Variants in PTPRD observed in about 807,000 individuals in gnomAD.
PTPRD encodes protein tyrosine phosphatase receptor type D.
In PTPRD, 34 loss-of-function variants were observed where a neutral mutation model predicts 214.5. The observed-to-expected ratio is 0.16, with a 90% CI of 0.12 to 0.21. The LOEUF is 0.21. Ranked by LOEUF, PTPRD falls within the 10% of genes least tolerant of loss-of-function variation. The pLI, the probability that PTPRD is intolerant of heterozygous loss-of-function variation, is 1.00. For synonymous variants in PTPRD, 1,128 were observed against 845.7 expected (o/e 1.33, Z -5.79); for missense variants, 2,545 against 2,398.7 (o/e 1.06, Z -1.27).
intron 10 of PTPRD, among the ~76,000 whole-genome samples, chr9:9,038,553 G>GT (rs35388432): frequency 0.13 from 16,901 of 128,426 alleles, 1,504 homozygotes; most frequent in African/African-American, 0.24. Context: ...TGTGATAACG[G>GT]TTTTTTTTTT....
At chr9:8,900,818 T>A (rs1462389516) in intron 11 of PTPRD, among the ~76,000 whole-genome samples, 1 of 152,226 alleles carries the variant, frequency 6.6e-6, no homozygotes, top group Non-Finnish European at 1.5e-5. Flanking sequence ...AAACAAATGC[T>A]TGGTTTAGCA....
In PTPRD at chr9:10,608,634, T is replaced by C. The variant is rs183187757; in HGVS notation, c.-600+3764A>G. Among the ~76,000 whole-genome samples the C allele has an allele frequency of 4.6e-5, 7 of 152,238 alleles. No homozygotes were observed. In the East Asian group the frequency reaches 1.2e-3, roughly 25 times the overall value. On this transcript the variant is annotated intron_variant, in intron 2 of 45. Coordinates refer to ENST00000381196, the MANE Select transcript of PTPRD (RefSeq NM_002839.4). The stretch of plus-strand genomic sequence containing the variant: ...AAAGACTTTCAAATTGCTAAGCCAA[T>C]TTATTTACCTGACAGAGGTACAGAG...
intron 9 of PTPRD, among the ~76,000 whole-genome samples, chr9:9,363,281 T>A (rs2056848276): frequency 6.6e-6 from 1 of 151,076 alleles, no homozygotes; most frequent in South Asian, 2.1e-4. Flanking sequence ...CTCAGAATCA[T>A]AACAAGTCTT....
At chr9:8,745,609 T>C (rs1386337168) in intron 11 of PTPRD, among the ~76,000 whole-genome samples, 1 of 152,186 alleles carries the variant, frequency 6.6e-6, no homozygotes, top group Admixed American at 6.5e-5. Flanking sequence ...ATTATGTACC[T>C]GTGTATCTTA....
At chr9:9,839,307 T>C (rs942327134) in intron 5 of PTPRD, among the ~76,000 whole-genome samples, 3 of 152,176 alleles carry the variant, frequency 2.0e-5, no homozygotes, top group South Asian at 2.1e-4. Flanking sequence ...AAAACCCCAT[T>C]GTCTCAGCCC....
chr9:9,673,142 C>T (rs942266387), intron 7 of PTPRD, among the ~76,000 whole-genome samples: 5 of 151,890 alleles, frequency 3.3e-5, no homozygotes, highest in African/African-American at 9.7e-5. Flanking sequence ...GCAATATTAC[C>T]CTTTTTATCA....
chr9:9,519,116 A>C (rs2096904562), intron 8 of PTPRD, among the ~76,000 whole-genome samples: 1 of 152,042 alleles, frequency 6.6e-6, no homozygotes, highest in Admixed American at 6.6e-5. Flanking sequence ...TAACTTAAAG[A>C]ATAAATCACA....
chr9:10,038,199 T>C (rs2097223036), intron 3 of PTPRD, among the ~76,000 whole-genome samples: 1 of 152,148 alleles, frequency 6.6e-6, no homozygotes, highest in Non-Finnish European at 1.5e-5. Context: ...TCTTAATTAT[T>C]GACCATGTAT....
chr9:10,289,153 C>G (rs1190239353), intron 3 of PTPRD, among the ~76,000 whole-genome samples: 1 of 151,850 alleles, frequency 6.6e-6, no homozygotes, highest in East Asian at 1.9e-4. Context: ...AGTTGAAAGG[C>G]TCTAGAAATG....
chr9:10,419,572 T>A lies in PTPRD; in HGVS notation c.-599-78555A>T, dbSNP rs184573506. The stretch of plus-strand genomic sequence containing the variant: ...ATAAATCAGGTCAGAATATACATGA[T>A]ATACTTTGATTAAGATATATTATTA... On this transcript the variant is annotated intron_variant, in intron 2 of 45. Transcript: ENST00000381196. Among the ~76,000 whole-genome samples the A allele has an allele frequency of 3.2e-4, 49 of 151,978 alleles. No individual in the cohort carries two copies. The East Asian group carries it at 9.4e-3, about 29-fold the overall frequency.
chr9:9,897,503 A>T (rs1176159607), intron 5 of PTPRD, among the ~76,000 whole-genome samples: 1 of 151,950 alleles, frequency 6.6e-6, no homozygotes, highest in African/African-American at 2.4e-5. Context: ...TTTTTCATCT[A>T]TTTTTTTCTT....
At chr9:10,413,454 A>C (rs2098457345) in intron 2 of PTPRD, among the ~76,000 whole-genome samples, 1 of 152,032 alleles carries the variant, frequency 6.6e-6, no homozygotes, top group African/African-American at 2.4e-5. Context: ...CCAAAGAATC[A>C]GAGATGACCC....
chr9:9,972,191 A>G (rs2095140353), intron 4 of PTPRD, among the ~76,000 whole-genome samples: 2 of 152,150 alleles, frequency 1.3e-5, no homozygotes, highest in Non-Finnish European at 2.9e-5. Flanking sequence ...AAAATTATCA[A>G]GCGCATCTTA....
intron 7 of PTPRD, among the ~76,000 whole-genome samples, chr9:9,711,948 C>T (rs893540036): frequency 5.3e-5 from 8 of 152,290 alleles, no homozygotes; most frequent in African/African-American, 1.9e-4. Flanking sequence ...CCAACAGCAT[C>T]TCCCTGGGCA....
At chr9:9,431,726 A>T (rs918894061) in intron 8 of PTPRD, among the ~76,000 whole-genome samples, 6 of 151,938 alleles carry the variant, frequency 3.9e-5, no homozygotes, top group East Asian at 1.9e-4. Context: ...ATGCAGCCGT[A>T]AAAAGGATGA....
chr9:9,228,395 GC>G (rs763232364), intron 9 of PTPRD, among the ~76,000 whole-genome samples: 13 of 151,898 alleles, frequency 8.6e-5, no homozygotes, highest in Admixed American at 2.6e-4. Flanking sequence ...ACACATATGT[GC>G]ACACATATGT....
At chr9:9,479,406 AAACT>A (rs2095298266) in intron 8 of PTPRD, among the ~76,000 whole-genome samples, 1 of 151,826 alleles carries the variant, frequency 6.6e-6, no homozygotes, top group African/African-American at 2.4e-5. Context: ...TATTTCTTGA[AAACT>A]AACTCAGAAT....
intron 14 of PTPRD, among the ~76,000 whole-genome samples, chr9:8,559,119 C>A (rs982049104): frequency 2.0e-5 from 3 of 151,642 alleles, no homozygotes; most frequent in African/African-American, 7.3e-5. Flanking sequence ...TTTAATTTTC[C>A]CAGAAAAGAA....
intron 3 of PTPRD, among the ~76,000 whole-genome samples, chr9:10,188,635 G>C (rs2099348598): frequency 6.6e-6 from 1 of 151,640 alleles, no homozygotes; most frequent in East Asian, 1.9e-4. Context: ...AGATATTTTG[G>C]AAAGCATGTA....
Sources: gnomAD v4.1 joint callset for allele counts (sites outside exome capture counted in the v4.1 genomes callset) on GRCh38, gnomAD v4.1.1 for gene constraint, MANE v1.5 for transcripts, NCBI Gene and HGNC (gene_info 2026-07-23, HGNC 2026-07-21) for gene names.